Variants in SYNPO2 observed in about 807,000 individuals in gnomAD.
The protein encoded by SYNPO2 is synaptopodin-2.
A neutral mutation model predicts 85.0 loss-of-function variants in SYNPO2; 56 were observed. The ratio of observed to expected loss-of-function variants is 0.66; its 90% CI spans 0.53 to 0.82. The LOEUF is 0.82. Ranked by LOEUF, SYNPO2 falls within the 40% of genes least tolerant of loss-of-function variation. The pLI is 0.00. For synonymous variants in SYNPO2, 602 were observed against 591.1 expected (o/e 1.02, Z -0.27); for missense variants, 1,575 against 1,534.2 (o/e 1.03, Z -0.44).
chr4:118,967,040 C>T (rs1479488887), intron 1 of SYNPO2, among the ~76,000 whole-genome samples: 1 of 152,132 alleles, frequency 6.6e-6, no homozygotes, highest in Non-Finnish European at 1.5e-5. Context: ...ATGTTCCAGA[C>T]AGGCACTAAA....
At chr4:118,949,283 A>G (rs549505086) in intron 1 of SYNPO2, among the ~76,000 whole-genome samples, 1 of 152,272 alleles carries the variant, frequency 6.6e-6, no homozygotes, top group South Asian at 2.1e-4. Context: ...TAGAAAAACA[A>G]AAGTCTAAAA....
chr4:118,952,379 T>A (rs1174690731), intron 1 of SYNPO2, among the ~76,000 whole-genome samples: 1 of 152,036 alleles, frequency 6.6e-6, no homozygotes, highest in Non-Finnish European at 1.5e-5. Context: ...TTTTTTAAAA[T>A]TTTATTTTAT....
Position 119,030,601 on chromosome 4 carries a change from T to A in SYNPO2, c.1826T>A (p.Met609Lys). Residue 609 changes from methionine (M) to lysine (K), a missense_variant, in exon 4 of 5, where the codon ATG (methionine) becomes AAG (lysine). Met to Lys is a moderately conservative substitution (Grantham distance 95). This residue lies in a region of SYNPO2 where 1,508 missense variants were observed against 1,446.8 expected (regional missense o/e 1.04). Transcript: ENST00000307142. ...PATPFSPTRNMTSPIADFPAP... is the reference protein window; with the variant it reads ...PATPFSPTRNKTSPIADFPAP... ...ACCCCCTTCTCGCCAACCCGAAACA[T>A]GACGAGTCCCATTGCTGACTTTCCT... The A allele has an allele frequency of 2.5e-6, 4 of 1,614,064 alleles. No homozygotes were observed. Among genetic ancestry groups the A allele is most frequent in the Non-Finnish European group, 3.4e-6 (4 of 1,179,998 alleles).
At chr4:119,032,356 A>G in intron 4 of SYNPO2, 1 of 1,239,232 alleles carries the variant, frequency 8.1e-7, no homozygotes, top group Non-Finnish European at 1.0e-6. Flanking sequence ...CAAGAAAGAC[A>G]GTGATCAGTG....
rs115500206 is a variant in SYNPO2, at chr4:118,920,147, G to A, written c.105+31006G>A. Reference sequence around the variant, plus strand: ...ATAAGGTGGTTGAAGAGTTGTGGGAGGCAATGAAGGAGAAAGAGGAATCTG... The same window carrying A: ...ATAAGGTGGTTGAAGAGTTGTGGGAAGCAATGAAGGAGAAAGAGGAATCTG... On this transcript the variant is annotated intron_variant, in intron 1 of 4. Coordinates refer to ENST00000307142, the MANE Select transcript of SYNPO2 (RefSeq NM_133477.3). Among the ~76,000 whole-genome samples the A allele has an allele frequency of 4.9e-3, 749 of 152,252 alleles. 7 individuals are homozygous for A. The highest frequency in any genetic ancestry group is 0.016 in the African/African-American group (660 of 41,544).
At chr4:118,922,381 T>C (rs1194782240) in intron 1 of SYNPO2, among the ~76,000 whole-genome samples, 1 of 152,122 alleles carries the variant, frequency 6.6e-6, no homozygotes, top group African/African-American at 2.4e-5. Context: ...ATATATATTA[T>C]AAAAATATAA....
At chr4:118,981,992 G>T (rs1736026660) in intron 1 of SYNPO2, among the ~76,000 whole-genome samples, 1 of 152,208 alleles carries the variant, frequency 6.6e-6, no homozygotes, top group African/African-American at 2.4e-5. Flanking sequence ...TTAGGAGAGT[G>T]TGTTTTGACC....
chr4:118,878,580 C>A (rs565858469), intron 1 of SYNPO2, among the ~76,000 whole-genome samples: 1 of 152,074 alleles, frequency 6.6e-6, no homozygotes, highest in East Asian at 1.9e-4. Context: ...GGTTTGTAAA[C>A]GCACCAATCA....
chr4:118,973,759 G>A (rs1578600781), intron 1 of SYNPO2, among the ~76,000 whole-genome samples: 1 of 151,880 alleles, frequency 6.6e-6, no homozygotes, highest in East Asian at 1.9e-4. Flanking sequence ...CCACAATTTT[G>A]GATATTAATT....
At chr4:119,029,127 C>T (rs1355649265) in intron 3 of SYNPO2, among the ~76,000 whole-genome samples, 2 of 151,960 alleles carry the variant, frequency 1.3e-5, no homozygotes, top group Non-Finnish European at 2.9e-5. Context: ...CATTTACAAA[C>T]AAATCTGTCT....
Position 118,940,231 on chromosome 4 carries a change from G to A in SYNPO2, c.105+51090G>A, listed in dbSNP as rs901604012. Among the ~76,000 whole-genome samples the A allele has an allele frequency of 2.6e-5, 4 of 151,732 alleles. No homozygotes were observed. The East Asian group carries it at 5.8e-4, about 22-fold the overall frequency. On this transcript the variant is annotated intron_variant, in intron 1 of 4. Transcript: ENST00000307142. ...GATCTCTCGACCTCATGATCCGTCC[G>A]TCTCATGATCCTCCCAAAGTGGTGG...
At chr4:118,904,243 AATT>A (rs10533514) in intron 1 of SYNPO2, among the ~76,000 whole-genome samples, 53,725 of 151,692 alleles carry the variant, frequency 0.35, 10,061 homozygotes, top group East Asian at 0.53. Flanking sequence ...AGAGTTTAAA[AATT>A]ATTATTAGCA....
chr4:118,890,860 C>T (rs1375918963), intron 1 of SYNPO2, among the ~76,000 whole-genome samples: 1 of 151,928 alleles, frequency 6.6e-6, no homozygotes, highest in Non-Finnish European at 1.5e-5. Flanking sequence ...TTCTACGATC[C>T]TGATAGTGTA....
At chr4:118,916,434 A>C (rs901925702) in intron 1 of SYNPO2, among the ~76,000 whole-genome samples, 3 of 151,840 alleles carry the variant, frequency 2.0e-5, no homozygotes, top group Non-Finnish European at 4.4e-5. Flanking sequence ...CAGCCTCCCA[A>C]AATGCTGGGA....
At position 119,030,206 on chromosome 4, in the gene SYNPO2, A is replaced by T. The variant is rs771079421; in HGVS notation, c.1431A>T (p.Arg477Ser). 24 of 1,613,958 alleles carry T rather than the reference A, an allele frequency of 1.5e-5. No homozygotes were observed. In the East Asian group the frequency reaches 5.3e-4, roughly 36 times the overall value. ...GLVDIEKKLN[R>S]GDKMEMLPDT... is the part of the protein sequence containing the mutation. The stretch of plus-strand genomic sequence containing the variant: ...TGGACATTGAAAAGAAACTGAACAG[A>T]GGGGACAAGATGGAGATGTTACCAG... Residue 477 changes from arginine to serine, a missense_variant, in exon 4 of 5, where the codon AGA (arginine) becomes AGT (serine). Arg to Ser is a moderately radical substitution (Grantham distance 110). Transcript: ENST00000307142.
intron 1 of SYNPO2, among the ~76,000 whole-genome samples, chr4:118,970,829 G>A (rs1420100349): frequency 1.3e-5 from 2 of 152,174 alleles, no homozygotes; most frequent in African/African-American, 4.8e-5. Flanking sequence ...ACTAGAACAC[G>A]GTGGGTGCTT....
At chr4:118,957,726 G>C (rs1474272665) in intron 1 of SYNPO2, among the ~76,000 whole-genome samples, 1 of 152,134 alleles carries the variant, frequency 6.6e-6, no homozygotes, top group Admixed American at 6.5e-5. Flanking sequence ...TCAAACTTCT[G>C]CAAAGCTCTT....
chr4:119,033,733 T>G (rs1412443343), intron 4 of SYNPO2: 1 of 985,220 alleles, frequency 1.0e-6, no homozygotes, highest in African/African-American at 1.7e-5. Flanking sequence ...GTCTCCTTTA[T>G]CTGTTCAATG....
chr4:119,016,814 A>G (rs555549451), intron 1 of SYNPO2, among the ~76,000 whole-genome samples: 11 of 152,340 alleles, frequency 7.2e-5, no homozygotes, highest in Middle Eastern at 3.4e-3. Flanking sequence ...AACAGCTCAT[A>G]GCAGTTATAT....
Sources: allele counts gnomAD v4.1 joint callset (sites outside exome capture counted in the v4.1 genomes callset), GRCh38; gene constraint gnomAD v4.1.1; regional missense constraint gnomAD v4.1.1; transcripts MANE v1.5; gene names NCBI Gene and HGNC (gene_info 2026-07-23, HGNC 2026-07-21).